ARHGEF10L: variants seen among roughly 807,000 people sequenced by gnomAD.
The protein encoded by ARHGEF10L is rho guanine nucleotide exchange factor 10-like protein.
A neutral mutation model predicts 141.2 loss-of-function variants in ARHGEF10L; 69 were observed. The observed-to-expected ratio is 0.49, with a 90% CI of 0.40 to 0.60. The LOEUF (loss-of-function observed/expected upper bound fraction) is 0.60, where lower values mean the gene tolerates loss of function less well. ARHGEF10L is among the 20% of genes least tolerant of loss of function. The pLI is 0.00. For missense variants in ARHGEF10L, 1,482 were observed against 1,734.3 expected (o/e 0.85, Z 2.58); for synonymous variants, 711 against 718.5 (o/e 0.99, Z 0.17).
intron 22 of ARHGEF10L, among the ~76,000 whole-genome samples, chr1:17,651,452 T>C (rs2061930442): frequency 6.6e-6 from 1 of 152,190 alleles, no homozygotes; most frequent in Non-Finnish European, 1.5e-5. Context: ...AGGCTGGCCC[T>C]GGGTGACTTT....
chr1:17,662,310 T>C (rs2062680851), intron 25 of ARHGEF10L, among the ~76,000 whole-genome samples: 3 of 152,322 alleles, frequency 2.0e-5, no homozygotes, highest in Middle Eastern at 6.8e-3. Flanking sequence ...TGTGCCCAGA[T>C]AAATATTCTT....
intron 26 of ARHGEF10L, among the ~76,000 whole-genome samples, chr1:17,674,355 A>T (rs1389572812): frequency 6.6e-6 from 1 of 152,180 alleles, no homozygotes; most frequent in African/African-American, 2.4e-5. Flanking sequence ...TGGGGAGAGA[A>T]GCGAGCTTCA....
intron 21 of ARHGEF10L, among the ~76,000 whole-genome samples, chr1:17,643,874 T>A (rs954520376): frequency 2.0e-5 from 3 of 152,288 alleles, no homozygotes; most frequent in African/African-American, 7.2e-5. Context: ...GGCCAGGATA[T>A]CTTCCTACCT....
the ARHGEF10L span, among the ~76,000 whole-genome samples, chr1:17,515,050 T>C: frequency 2.0e-5 from 3 of 152,222 alleles, no homozygotes; most frequent in Admixed American, 6.5e-5. Flanking sequence ...ACCAAGCCTC[T>C]GCTTTCCTAT....
chr1:17,627,000 G>A (rs79999417), intron 14 of ARHGEF10L, among the ~76,000 whole-genome samples: 6 of 152,172 alleles, frequency 3.9e-5, no homozygotes, highest in African/African-American at 1.4e-4. Flanking sequence ...TTTTGTTTAC[G>A]CGTTAGTCTG....
chr1:17,593,260 C>A (rs117772644), intron 4 of ARHGEF10L, among the ~76,000 whole-genome samples: 1 of 152,226 alleles, frequency 6.6e-6, no homozygotes, highest in Non-Finnish European at 1.5e-5. Flanking sequence ...ACAGCCTACA[C>A]GTGCACGGAC....
intron 1 of ARHGEF10L, among the ~76,000 whole-genome samples, chr1:17,555,821 A>G (rs2077283893): frequency 6.6e-6 from 1 of 151,862 alleles, no homozygotes; most frequent in African/African-American, 2.4e-5. Context: ...ACCCTGGAGC[A>G]CCCATTGCTT....
chr1:17,673,151 C>T lies in ARHGEF10L; in HGVS notation c.3009+8556C>T, dbSNP rs2063427281. ...AAAAAGGGAACCGGTACAGGGAAGGCGGATGAACAGACATCGTGGAGAGGA... is the reference window on the plus strand; with the variant it reads ...AAAAAGGGAACCGGTACAGGGAAGGTGGATGAACAGACATCGTGGAGAGGA... On this transcript the variant is annotated intron_variant, in intron 26 of 28. Transcript: ENST00000361221. This position sits in a 1 kb window ranked among gnomAD's most constrained non-coding sequence, Gnocchi z 4.1. Among the ~76,000 whole-genome samples the T allele has an allele frequency of 6.6e-6, 1 of 152,154 alleles. No homozygotes were observed. Among genetic ancestry groups the T allele is most frequent in the Admixed American group, 6.5e-5 (1 of 15,286 alleles).
chr1:17,603,166 G>A lies in ARHGEF10L; in HGVS notation c.350-342G>A, dbSNP rs1434872849. On this transcript the variant is annotated intron_variant, in intron 5 of 28. Coordinates refer to ENST00000361221, the MANE Select transcript of ARHGEF10L (RefSeq NM_018125.4). This position sits in a 1 kb window ranked among gnomAD's most constrained non-coding sequence, Gnocchi z 4.8. ...TCTAGCCCCGGGGTCCTGGGTGACT[G>A]AGGATGCTAGGGCCAGGGCACAGGT... 1.3e-5 allele frequency among the ~76,000 whole-genome samples: 2 copies of A among 152,056 alleles called. No homozygotes were observed. Among genetic ancestry groups the A allele is most frequent in the Non-Finnish European group, 2.9e-5 (2 of 67,988 alleles).
At chr1:17,576,069 C>A (rs1445496438) in intron 1 of ARHGEF10L, among the ~76,000 whole-genome samples, 2 of 152,166 alleles carry the variant, frequency 1.3e-5, no homozygotes, top group Non-Finnish European at 2.9e-5. Flanking sequence ...GTCCTCAAGG[C>A]ACGACTTGCG....
chr1:17,570,463 C>A (rs2077947208), intron 1 of ARHGEF10L, among the ~76,000 whole-genome samples: 1 of 151,496 alleles, frequency 6.6e-6, no homozygotes, highest in Non-Finnish European at 1.5e-5. Context: ...CAGAAACATG[C>A]TTGGGGCATT....
intron 21 of ARHGEF10L, among the ~76,000 whole-genome samples, chr1:17,642,292 G>C (rs2061369536): frequency 6.6e-6 from 1 of 152,224 alleles, no homozygotes; most frequent in African/African-American, 2.4e-5. Context: ...GAGTGATCCA[G>C]GTATGGGGAT....
At chr1:17,655,157 G>T (rs2062149723) in intron 23 of ARHGEF10L, among the ~76,000 whole-genome samples, 1 of 152,090 alleles carries the variant, frequency 6.6e-6, no homozygotes, top group African/African-American at 2.4e-5. Flanking sequence ...TGTTCCTTGT[G>T]CTGCAAATTG....
intron 26 of ARHGEF10L, among the ~76,000 whole-genome samples, chr1:17,664,986 T>G (rs1052022068): frequency 1.3e-5 from 2 of 152,126 alleles, no homozygotes; most frequent in Admixed American, 6.5e-5. Flanking sequence ...TCAAACCACA[T>G]GGAGGGAGAG....
the ARHGEF10L span, among the ~76,000 whole-genome samples, chr1:17,522,286 C>T: frequency 6.6e-6 from 1 of 152,234 alleles, no homozygotes; most frequent in Non-Finnish European, 1.5e-5. Flanking sequence ...AGGGCAGCGC[C>T]TCATCCTAAG....
At chr1:17,613,867 G>A (rs1175414630) in intron 8 of ARHGEF10L, among the ~76,000 whole-genome samples, 2 of 152,190 alleles carry the variant, frequency 1.3e-5, no homozygotes, top group Non-Finnish European at 2.9e-5. Context: ...GCCTCTCTGA[G>A]CCTCGGTTTC....
Position 17,587,462 on chromosome 1 carries a change from G to A in ARHGEF10L, c.40G>A (p.Asp14Asn). The A allele has an allele frequency of 1.2e-6, 2 of 1,612,310 alleles. No homozygotes were observed. Among genetic ancestry groups the A allele is most frequent in the Non-Finnish European group, 1.7e-6 (2 of 1,179,230 alleles). The change falls in exon 3 of 29, where the codon GAT becomes AAT. Residue 14 changes from aspartate to asparagine, a missense_variant and splice_region_variant. Physicochemically the swap from Asp to Asn is conservative, Grantham distance 23. This residue lies in a region of ARHGEF10L where 232 missense variants were observed against 225.9 expected (regional missense o/e 1.03). Transcript: ENST00000361221. ...GGCCAACTCCTTCTCTCTTCCAGGAGATCAGCTGGTTCCAGGAGTCCCAGG... is the reference window on the plus strand; with the variant it reads ...GGCCAACTCCTTCTCTCTTCCAGGAAATCAGCTGGTTCCAGGAGTCCCAGG... ...SNPPPQPAIG[D>N]QLVPGVPGPS...
Position 17,648,676 on chromosome 1 carries a change from G to T in ARHGEF10L, c.2394+1G>T. 6.2e-7 allele frequency: 1 copy of T among 1,612,434 alleles called. No homozygotes were observed. The highest frequency in any genetic ancestry group is 2.2e-5 in the East Asian group (1 of 44,880). On this transcript the variant is annotated splice_donor_variant, in intron 22 of 28. Transcript: ENST00000361221. LOFTEE classifies it high-confidence loss of function. Reference sequence around the variant, plus strand: ...CTCCTCCCGGGCACTCAGCCTGCAGGTGAGTGGAGCGGATCTTGCTGAGCC... The same window carrying T: ...CTCCTCCCGGGCACTCAGCCTGCAGTTGAGTGGAGCGGATCTTGCTGAGCC...
rs574362633 is a variant in ARHGEF10L, at chr1:17,629,558, A to G, written c.1584+2055A>G. ...CCCCTAAGGCATCTGAGTTTATTTT[A>G]CCTGCTCCAGGAGGATTGGGCTGGG... On this transcript the variant is annotated intron_variant, in intron 15 of 28. Coordinates refer to ENST00000361221, the MANE Select transcript of ARHGEF10L (RefSeq NM_018125.4). Among the ~76,000 whole-genome samples, 82 of 152,044 alleles carry G rather than the reference A, an allele frequency of 5.4e-4. 1 individual carries two copies. Among genetic ancestry groups the G allele is most frequent in the Non-Finnish European group, 7.1e-4 (48 of 67,980 alleles).
Sources: allele counts gnomAD v4.1 joint callset (sites outside exome capture counted in the v4.1 genomes callset), GRCh38; gene constraint gnomAD v4.1.1; regional missense constraint gnomAD v4.1.1; non-coding constraint Gnocchi (gnomAD v3.1); transcripts MANE v1.5; gene names NCBI Gene and HGNC (gene_info 2026-07-23, HGNC 2026-07-21).